Variants in PARD3 observed in about 807,000 individuals in gnomAD.
The protein encoded by PARD3 is par-3 family cell polarity regulator, also known as partitioning defective 3 homolog.
A neutral mutation model predicts 155.4 loss-of-function variants in PARD3; 75 were observed. The ratio of observed to expected loss-of-function variants is 0.48; its 90% CI spans 0.40 to 0.58. The LOEUF is 0.58. Ranked by LOEUF, PARD3 falls within the 20% of genes least tolerant of loss-of-function variation. The pLI is 0.00. For missense variants in PARD3, 1,642 were observed against 1,721.7 expected (o/e 0.95, Z 0.82); for synonymous variants, 576 against 610.5 (o/e 0.94, Z 0.83).
chr10:34,583,587 A>T (rs193070630), intron 2 of PARD3, among the ~76,000 whole-genome samples: 1 of 152,266 alleles, frequency 6.6e-6, no homozygotes, highest in African/African-American at 2.4e-5. Context: ...AGCCTTCTAA[A>T]TTGAGGAAAT....
intron 19 of PARD3, among the ~76,000 whole-genome samples, chr10:34,317,622 G>A (rs904061599): frequency 2.0e-5 from 3 of 152,148 alleles, no homozygotes; most frequent in Non-Finnish European, 4.4e-5. Flanking sequence ...GAATCAGATT[G>A]TACACTACTA....
At chr10:34,393,383 G>C (rs1843014744) in intron 7 of PARD3, among the ~76,000 whole-genome samples, 1 of 151,598 alleles carries the variant, frequency 6.6e-6, no homozygotes. Flanking sequence ...AGTTTGAGAC[G>C]AGACTGGGCA....
At chr10:34,336,131 G>A in intron 18 of PARD3, 68 bp downstream of exon 18, 1 of 1,126,312 alleles carries the variant, frequency 8.9e-7, no homozygotes. Flanking sequence ...ATGATTGGCA[G>A]CTCTATAATT....
At chr10:34,746,682 G>A (rs1389242477) in intron 1 of PARD3, among the ~76,000 whole-genome samples, 4 of 151,368 alleles carry the variant, frequency 2.6e-5, no homozygotes, top group East Asian at 1.9e-4. Context: ...TATGAAAGAC[G>A]CTCAAAAAAG....
At chr10:34,346,144 T>C in intron 15 of PARD3, 1 of 1,026,042 alleles carries the variant, frequency 9.7e-7, no homozygotes. Context: ...ATCTGGAGTT[T>C]TAAGAGTTCA....
At chr10:34,129,002 C>T (rs1403065123) in intron 23 of PARD3, among the ~76,000 whole-genome samples, 1 of 152,220 alleles carries the variant, frequency 6.6e-6, no homozygotes, top group African/African-American at 2.4e-5. Context: ...GTGGACCACA[C>T]TTTGAGAAGC....
intron 15 of PARD3, chr10:34,344,280 GTTTTTTTTTT>G (rs34595794): frequency 1.5e-5 from 13 of 873,508 alleles, no homozygotes; most frequent in African/African-American, 6.5e-5. Context: ...GTTTGTTTTT[GTTTTTTTTTT>G]TTTTTTTTTG....
chr10:34,634,282 A>T (rs920767183), intron 2 of PARD3, among the ~76,000 whole-genome samples: 1 of 152,210 alleles, frequency 6.6e-6, no homozygotes, highest in African/African-American at 2.4e-5. Context: ...CTGATGCGGA[A>T]ACTTATCCAA....
At chr10:34,337,563 A>C in intron 16 of PARD3, 137 bp from the exon 17 acceptor site, 2 of 408,278 alleles carry the variant, frequency 4.9e-6, no homozygotes, top group Middle Eastern at 6.4e-4. Context: ...AATAATACAA[A>C]TACAGTCCAT....
intron 2 of PARD3, among the ~76,000 whole-genome samples, chr10:34,615,736 C>T (rs892156899): frequency 3.3e-5 from 5 of 151,964 alleles, no homozygotes; most frequent in Non-Finnish European, 5.9e-5. Flanking sequence ...ATATAAGAAA[C>T]GCAACAGACA....
At chr10:34,437,474 T>G (rs1831899298) in intron 5 of PARD3, among the ~76,000 whole-genome samples, 1 of 152,166 alleles carries the variant, frequency 6.6e-6, no homozygotes, top group African/African-American at 2.4e-5. Flanking sequence ...TACTAGGTAT[T>G]ACATATTAAT....
chr10:34,281,114 G>C, intron 21 of PARD3, among the ~76,000 whole-genome samples: 1 of 152,136 alleles, frequency 6.6e-6, no homozygotes, highest in Non-Finnish European at 1.5e-5. Context: ...CTTTGTATGG[G>C]AGGCTAAGTA....
At chr10:34,599,433 T>C (rs74132066) in intron 2 of PARD3, among the ~76,000 whole-genome samples, 17 of 152,316 alleles carry the variant, frequency 1.1e-4, no homozygotes, top group African/African-American at 3.8e-4. Context: ...ATTGGAAGAT[T>C]ATGACAGAAC....
intron 22 of PARD3, among the ~76,000 whole-genome samples, chr10:34,138,558 T>C (rs1052404672): frequency 6.6e-6 from 1 of 152,180 alleles, no homozygotes; most frequent in East Asian, 1.9e-4. Flanking sequence ...CTGGCAGAGA[T>C]TGATGACCTG....
At chr10:34,538,682 G>A (rs1437132666) in intron 2 of PARD3, among the ~76,000 whole-genome samples, 1 of 152,214 alleles carries the variant, frequency 6.6e-6, no homozygotes, top group Non-Finnish European at 1.5e-5. Flanking sequence ...AGGAGTGGAG[G>A]CCAGACGAGC....
chr10:34,649,262 A>G (rs1385053873), intron 2 of PARD3, among the ~76,000 whole-genome samples: 1 of 152,198 alleles, frequency 6.6e-6, no homozygotes, highest in Admixed American at 6.5e-5. Flanking sequence ...TGGGAAACAC[A>G]GCAAGGCCTT....
Position 34,111,322 on chromosome 10 carries a change from C to T in PARD3, c.3909G>A (p.Gly1303=), listed in dbSNP as rs753882673. Residue 1303 remains glycine (G), a synonymous_variant, in exon 25 of 25, where the codon GGG becomes GGA. Coordinates refer to ENST00000374788, the MANE Select transcript of PARD3 (RefSeq NM_001184785.2). ...QQMKKQPPSE[G]PSNYDSYKKV... ...TCTTATACGAGTCATAGTTGCTGGG[C>T]CCCTCGGAAGGAGGCTGCTTCTTCA... The T allele has an allele frequency of 6.2e-6, 10 of 1,613,940 alleles. No individual in the cohort carries two copies. The highest frequency in any genetic ancestry group is 8.5e-6 in the Non-Finnish European group (10 of 1,179,872).
chr10:34,650,125 C>G (rs2092961218), intron 2 of PARD3, among the ~76,000 whole-genome samples: 1 of 152,172 alleles, frequency 6.6e-6, no homozygotes, highest in Non-Finnish European at 1.5e-5. Context: ...AAGGATGACT[C>G]TCTAAAATAA....
chr10:34,432,408 C>G (rs1029464586), intron 5 of PARD3, among the ~76,000 whole-genome samples: 4 of 150,944 alleles, frequency 2.6e-5, no homozygotes, highest in Non-Finnish European at 1.5e-5. Context: ...TAGTACCTGG[C>G]ACTAGGTAAG....
Sources: allele counts gnomAD v4.1 joint callset (sites outside exome capture counted in the v4.1 genomes callset), GRCh38; gene constraint gnomAD v4.1.1; transcripts MANE v1.5; gene names NCBI Gene and HGNC (gene_info 2026-07-23, HGNC 2026-07-21).